The following KCNIP4 variants were observed in gnomAD, a reference collection of about 807,000 sequenced individuals.
KCNIP4 encodes the protein potassium voltage-gated channel interacting protein 4.
A neutral mutation model predicts 34.0 loss-of-function variants in KCNIP4; 12 were observed. The observed-to-expected ratio is 0.35, with a 90% confidence interval of 0.23 to 0.57. The LOEUF is 0.57. Among genes scored for constraint, KCNIP4 ranks in the 20% least tolerant of loss-of-function variants. The pLI is 0.83. For missense variants in KCNIP4, 238 were observed against 311.7 expected, an observed-to-expected ratio of 0.76 and a Z score of 1.78; for synonymous variants, 124 against 102.2, an observed-to-expected ratio of 1.21 and a Z score of -1.29.
intron 1 of KCNIP4, among the ~76,000 whole-genome samples, chr4:21,387,096 C>A (rs1027693647): frequency 6.6e-6 from 1 of 152,148 alleles, no homozygotes; most frequent in Non-Finnish European, 1.5e-5. Context: ...AACATGTTAT[C>A]TTTAAACAGA....
intron 1 of KCNIP4, among the ~76,000 whole-genome samples, chr4:21,103,400 T>C (rs2109075590): frequency 6.8e-6 from 1 of 147,296 alleles, no homozygotes; most frequent in Admixed American, 6.9e-5. Flanking sequence ...ATATCTCCAA[T>C]ATCTAAATAG....
intron 6 of KCNIP4, among the ~76,000 whole-genome samples, chr4:20,734,004 G>C (rs1326356367): frequency 6.6e-6 from 1 of 152,168 alleles, no homozygotes; most frequent in Non-Finnish European, 1.5e-5. Context: ...GAGGCAAAGA[G>C]AGACAGGACA....
intron 1 of KCNIP4, among the ~76,000 whole-genome samples, chr4:21,911,508 CTTTTTTTTTTTTTTT>C (rs67157154): frequency 2.7e-5 from 1 of 37,102 alleles, no homozygotes; most frequent in Non-Finnish European, 4.2e-5. Context: ...AGGCGCTTGA[CTTTTTTTTTTTTTTT>C]TTTTTTTTTT....
intron 1 of KCNIP4, among the ~76,000 whole-genome samples, chr4:21,835,802 A>G: frequency 6.6e-6 from 1 of 152,198 alleles, no homozygotes; most frequent in Non-Finnish European, 1.5e-5. Flanking sequence ...CAAAAACAGA[A>G]TGGATAAATC....
At chr4:21,789,398 C>CA (rs59194040) in intron 1 of KCNIP4, among the ~76,000 whole-genome samples, 17,270 of 152,118 alleles carry the variant, frequency 0.11, 2,931 homozygotes, top group African/African-American at 0.37. Flanking sequence ...ATGGAAACCT[C>CA]TTTTGCTTTA....
intron 1 of KCNIP4, among the ~76,000 whole-genome samples, chr4:21,910,276 T>C (rs867183717): frequency 1.3e-4 from 20 of 152,122 alleles, no homozygotes; most frequent in African/African-American, 4.3e-4. Flanking sequence ...GTGTTGTCTA[T>C]AAGGTCTAAA....
chr4:20,753,212 C>T (rs1753945454), intron 4 of KCNIP4, among the ~76,000 whole-genome samples: 1 of 152,084 alleles, frequency 6.6e-6, no homozygotes, highest in African/African-American at 2.4e-5. Context: ...TAGTGACATA[C>T]TGAGGTCACC....
chr4:21,286,342 G>C (rs1285536418), intron 1 of KCNIP4, among the ~76,000 whole-genome samples: 1 of 152,186 alleles, frequency 6.6e-6, no homozygotes, highest in Non-Finnish European at 1.5e-5. Flanking sequence ...GGTTGAGCAG[G>C]GGAGAATTAA....
At chr4:21,469,571 CTT>C (rs1432043027) in intron 1 of KCNIP4, among the ~76,000 whole-genome samples, 2 of 152,084 alleles carry the variant, frequency 1.3e-5, no homozygotes, top group African/African-American at 4.8e-5. Context: ...GTACAAATAA[CTT>C]GGGAAACAAA....
At chr4:20,734,809 G>T in intron 5 of KCNIP4, 74 bp from the exon 6 acceptor site, 1 of 800,194 alleles carries the variant, frequency 1.2e-6, no homozygotes, top group Non-Finnish European at 2.0e-6. Context: ...AATGATGTAA[G>T]TAAGGGCTAC....
At chr4:21,648,423 C>G (rs1351660033) in intron 1 of KCNIP4, among the ~76,000 whole-genome samples, 2 of 152,170 alleles carry the variant, frequency 1.3e-5, no homozygotes, top group African/African-American at 4.8e-5. Context: ...GAAGAAGACA[C>G]TGAGACTGTG....
chr4:21,151,865 T>G (rs1560767753), intron 1 of KCNIP4, among the ~76,000 whole-genome samples: 1 of 152,124 alleles, frequency 6.6e-6, no homozygotes, highest in Admixed American at 6.5e-5. Context: ...GACTTAGCCC[T>G]TTTTCTCCTC....
intron 1 of KCNIP4, among the ~76,000 whole-genome samples, chr4:21,380,456 G>GGAGAGGGGGAGA (rs746207928): frequency 7.1e-6 from 1 of 140,674 alleles, no homozygotes; most frequent in African/African-American, 2.6e-5. Flanking sequence ...AGAGGGAGAG[G>GGAGAGGGGGAGA]GGGAGAGAGA....
At chr4:21,911,508 CTTTTTTTTTT>C (rs67157154) in intron 1 of KCNIP4, among the ~76,000 whole-genome samples, 4 of 37,116 alleles carry the variant, frequency 1.1e-4, no homozygotes, top group African/African-American at 2.9e-4. Flanking sequence ...AGGCGCTTGA[CTTTTTTTTTT>C]TTTTTTTTTT....
rs891441557 is a variant in KCNIP4, at chr4:20,730,137, G to A, written c.706-8C>T. 8.1e-6 allele frequency: 13 copies of A among 1,603,162 alleles called. No homozygotes were observed. Among genetic ancestry groups the A allele is most frequent in the Admixed American group, 7.0e-5 (4 of 57,540 alleles). ...GCGCATTATGTTTTCATCCTGTAAG[G>A]GAGAAACACAGAGCGATTAAATTCA... is the stretch of plus-strand genomic sequence containing the variant. On this transcript the variant is annotated splice_polypyrimidine_tract_variant and splice_region_variant and intron_variant, in intron 8 of 8. Transcript: ENST00000382152.
At chr4:21,815,085 G>A (rs4536910) in intron 1 of KCNIP4, among the ~76,000 whole-genome samples, 132,577 of 152,082 alleles carry the variant, frequency 0.87, 57,989 homozygotes, top group South Asian at 0.92. Context: ...TAATTCATTT[G>A]AAAGTTATAT....
At chr4:21,738,220 T>C (rs1196339014) in intron 1 of KCNIP4, among the ~76,000 whole-genome samples, 1 of 152,106 alleles carries the variant, frequency 6.6e-6, no homozygotes, top group African/African-American at 2.4e-5. Context: ...TTGTTTTTAT[T>C]CCTCTTTATA....
At chr4:21,453,818 T>C (rs1472366031) in intron 1 of KCNIP4, among the ~76,000 whole-genome samples, 1 of 152,124 alleles carries the variant, frequency 6.6e-6, no homozygotes. Flanking sequence ...ATTTTCTCTT[T>C]GCCAGGGAAG....
rs528488857 is a variant in KCNIP4 at position 21,602,938 on chromosome 4, T to C, written c.61+345633A>G. 1.2e-4 allele frequency among the ~76,000 whole-genome samples: 18 copies of C among 152,346 alleles called. No homozygotes were observed. The South Asian group carries it at 3.5e-3, about 30-fold the overall frequency. Reference sequence around the variant, plus strand: ...TGAAACACTAATGAATAAGATATAATGTCCATGTTTATATACATTCCTATA... The same window carrying C: ...TGAAACACTAATGAATAAGATATAACGTCCATGTTTATATACATTCCTATA... On this transcript the variant is annotated intron_variant, in intron 1 of 8. Transcript: ENST00000382152.
Sources: allele counts gnomAD v4.1 joint callset (sites outside exome capture counted in the v4.1 genomes callset), GRCh38; gene constraint gnomAD v4.1.1; transcripts MANE v1.5; gene names NCBI Gene and HGNC (gene_info 2026-07-23, HGNC 2026-07-21).